FXYD2: variants seen among roughly 807,000 people sequenced by gnomAD.
FXYD2 encodes sodium/potassium-transporting ATPase subunit gamma.
Under a neutral mutation model 11.8 loss-of-function variants are expected in FXYD2, and 8 were observed. The observed-to-expected ratio is 0.68, with a 90% CI of 0.40 to 1.22. The LOEUF (loss-of-function observed/expected upper bound fraction) is 1.22, where lower values mean the gene tolerates loss of function less well. Among genes scored for constraint, FXYD2 ranks in the 50% most tolerant of loss-of-function variants. FXYD2 has a pLI of 0.01. For missense variants in FXYD2, 92 were observed against 91.8 expected (o/e 1.00, Z -0.01); for synonymous variants, 42 against 33.3 (o/e 1.26, Z -0.90).
chr11:117,823,422 G>A (rs191977763), intron 1 of FXYD2, among the ~76,000 whole-genome samples: 1 of 152,254 alleles, frequency 6.6e-6, no homozygotes, highest in African/African-American at 2.4e-5. Flanking sequence ...TATACAGCAA[G>A]TCAGGGGTAG....
At chr11:117,824,768 G>A, upstream of FXYD2, 6 of 1,533,334 alleles carry the variant, frequency 3.9e-6, no homozygotes, top group Admixed American at 1.8e-5. This position sits in a 1 kb window ranked among gnomAD's most constrained non-coding sequence, Gnocchi z 4.0. Flanking sequence ...GGGTGGCCGG[G>A]GACGAGGTGC....
upstream of FXYD2, among the ~76,000 whole-genome samples, chr11:117,825,227 G>A (rs115674015): frequency 4.4e-4 from 67 of 152,234 alleles, no homozygotes; most frequent in African/African-American, 1.5e-3. Context: ...CACATCCCTG[G>A]AGCACCGCCA....
Position 117,820,388 on chromosome 11 carries a change from C to G in FXYD2, c.*7-16G>C. The G allele has an allele frequency of 1.9e-6, 1 of 526,052 alleles. No homozygotes were observed. The highest frequency in any genetic ancestry group is 3.3e-5 in the Admixed American group (1 of 30,308). The allele number at this position is 526,052 out of a possible 1,614,324, so 32.6% of individuals were successfully genotyped here. A position where few individuals can be genotyped will look rare whatever the true frequency, so the allele number is the denominator to read the frequency against. On this transcript the variant is annotated splice_polypyrimidine_tract_variant and intron_variant, in intron 5 of 5. Coordinates refer to ENST00000292079, the MANE Select transcript of FXYD2 (RefSeq NM_001680.5). ...ACCGCCGAGGCTGAGAAGACAAAGGCAGGATGGGGTTGGGTGGGAGGCAGC... is the reference window on the plus strand; with the variant it reads ...ACCGCCGAGGCTGAGAAGACAAAGGGAGGATGGGGTTGGGTGGGAGGCAGC...
chr11:117,822,698 G>A lies in FXYD2; in HGVS notation c.45C>T (p.Asp15=), dbSNP rs35705701. Reference sequence around the variant, plus strand: ...GCTTACCATAGTAGAACGGGTCCACGTCCCCCTTGGGGCTGCCGCCTAGGA... The same window carrying A: ...GCTTACCATAGTAGAACGGGTCCACATCCCCCTTGGGGCTGCCGCCTAGGA... The part of the protein sequence containing the change: ...SMDGGGSPKG[D]VDPFYYDYET... The change falls in exon 2 of 6, where the codon GAC becomes GAT. Residue 15 remains aspartate (D), a synonymous_variant. Coordinates refer to ENST00000292079, the MANE Select transcript of FXYD2 (RefSeq NM_001680.5). The surrounding 1 kb of genome is among the most constrained non-coding windows in gnomAD (Gnocchi z 4.7). The A allele has an allele frequency of 0.015, 24,528 of 1,610,372 alleles. 222 individuals carry two copies. The highest frequency in any genetic ancestry group is 0.023 in the Middle Eastern group (139 of 6,026).
chr11:117,822,121 C>A lies in FXYD2; in HGVS notation c.139+285G>T. On this transcript the variant is annotated intron_variant, in intron 3 of 5. Transcript: ENST00000292079. This position sits in a 1 kb window ranked among gnomAD's most constrained non-coding sequence, Gnocchi z 4.7. ...ATGGTTAGCAGCGGGGGGCCTAGTC[C>A]CCCTGTCTGGCCCTCCGGTTACCCA... The A allele has an allele frequency of 7.3e-7, 1 of 1,370,902 alleles. No individual in the cohort carries two copies. Among genetic ancestry groups the A allele is most frequent in the Non-Finnish European group, 9.5e-7 (1 of 1,057,710 alleles). 84.9% of individuals were successfully genotyped at this position (1,370,902 alleles called of 1,614,324 possible).
At chr11:117,823,456 C>G (rs148192944) in intron 1 of FXYD2, among the ~76,000 whole-genome samples, 1 of 152,344 alleles carries the variant, frequency 6.6e-6, no homozygotes, top group African/African-American at 2.4e-5. Context: ...ACCCAGGAAG[C>G]AGGGGGCTGA....
chr11:117,824,696 C>A lies in FXYD2; in HGVS notation c.-18G>T. 1 of 1,613,806 alleles carries A rather than the reference C, an allele frequency of 6.2e-7. No individual in the cohort carries two copies. The highest frequency in any genetic ancestry group is 8.5e-7 in the Non-Finnish European group (1 of 1,179,908). The stretch of plus-strand genomic sequence containing the variant: ...CCAGTCATTTCCCCAGGTGAATGGG[C>A]TGCCTCCACTCCCCTCTTCCTGCTG... On this transcript the variant is annotated 5_prime_UTR_variant, in exon 1 of 6. Transcript: ENST00000292079. The surrounding 1 kb of genome is among the most constrained non-coding windows in gnomAD (Gnocchi z 4.0).
intron 1 of FXYD2, among the ~76,000 whole-genome samples, chr11:117,823,738 G>A (rs1436710008): frequency 6.6e-6 from 1 of 152,260 alleles, no homozygotes; most frequent in Admixed American, 6.5e-5. Flanking sequence ...AGTGGAGCCC[G>A]AGGAGGAAGG....
rs1378824109 is a variant in FXYD2, at chr11:117,822,854, G to A, written c.26-137C>T. On this transcript the variant is annotated intron_variant, in intron 1 of 5. Coordinates refer to ENST00000292079, the MANE Select transcript of FXYD2 (RefSeq NM_001680.5). This position sits in a 1 kb window ranked among gnomAD's most constrained non-coding sequence, Gnocchi z 4.7. ...AGGCGAGGGGAGGCTGGGAGCAGGG[G>A]TGTTGCTAAAACCATTGCCAGCAGG... 1.3e-5 allele frequency: 16 copies of A among 1,234,404 alleles called. No homozygotes were observed. The highest frequency in any genetic ancestry group is 1.8e-5 in the Non-Finnish European group (16 of 874,096). The allele number at this position is 1,234,404 out of a possible 1,614,324, so 76.5% of individuals were successfully genotyped here.
rs1591531646 is a variant in FXYD2, at chr11:117,820,282, T to G, written c.*97A>C. ...GCGCTGGCAGTGACGGGGACAAAGGTCTAAAGCCCAGGGAAGAAGGGGAGG... is the reference window on the plus strand; with the variant it reads ...GCGCTGGCAGTGACGGGGACAAAGGGCTAAAGCCCAGGGAAGAAGGGGAGG... On this transcript the variant is annotated 3_prime_UTR_variant, in exon 6 of 6. Coordinates refer to ENST00000292079, the MANE Select transcript of FXYD2 (RefSeq NM_001680.5). The G allele has an allele frequency of 3.7e-6, 1 of 272,112 alleles. No individual in the cohort carries two copies. Among genetic ancestry groups the G allele is most frequent in the Non-Finnish European group, 6.9e-6 (1 of 144,392 alleles). 16.9% of individuals were successfully genotyped at this position (272,112 alleles called of 1,614,324 possible).
chr11:117,822,624 C>A lies in FXYD2; in HGVS notation c.64+55G>T. Reference sequence around the variant, plus strand: ...GACCTGGGGCTGGGAGAGGCCGCTGCTTGGTGGAAGGGGTCCTGAGGGCTC... The same window carrying A: ...GACCTGGGGCTGGGAGAGGCCGCTGATTGGTGGAAGGGGTCCTGAGGGCTC... On this transcript the variant is annotated intron_variant, in intron 2 of 5. Transcript: ENST00000292079. This position sits in a 1 kb window ranked among gnomAD's most constrained non-coding sequence, Gnocchi z 4.7. The A allele has an allele frequency of 6.3e-7, 1 of 1,596,936 alleles. No homozygotes were observed. The highest frequency in any genetic ancestry group is 8.5e-7 in the Non-Finnish European group (1 of 1,173,176).
chr11:117,823,683 C>T (rs190260976), intron 1 of FXYD2, among the ~76,000 whole-genome samples: 186 of 152,332 alleles, frequency 1.2e-3, no homozygotes, highest in African/African-American at 4.3e-3. Flanking sequence ...AGCTAAGGGC[C>T]GCTACTCTTT....
chr11:117,820,965 T>C (rs2055887801), intron 3 of FXYD2, 70 bp from the exon 4 acceptor site: 1 of 1,611,162 alleles, frequency 6.2e-7, no homozygotes, highest in Admixed American at 1.7e-5. Context: ...GACTCAAAAT[T>C]CTTCCAGTCT....
chr11:117,823,042 C>T (rs996522103), intron 1 of FXYD2, among the ~76,000 whole-genome samples: 3 of 152,170 alleles, frequency 2.0e-5, no homozygotes, highest in Non-Finnish European at 1.5e-5. Flanking sequence ...AAGCCTCTCC[C>T]ATTAGACTCC....
chr11:117,826,756 C>CTGTT (rs1417360661), upstream of FXYD2, among the ~76,000 whole-genome samples: 1 of 84,714 alleles, frequency 1.2e-5, no homozygotes, highest in African/African-American at 4.4e-5. Context: ...ATAAATTCAT[C>CTGTT]TGTCTGTCTG....
intron 1 of FXYD2, among the ~76,000 whole-genome samples, chr11:117,823,862 G>C (rs1345366967): frequency 1.3e-5 from 2 of 152,256 alleles, no homozygotes; most frequent in South Asian, 2.1e-4. Context: ...GGCCAGGAAA[G>C]GACAGGCCAG....
rs955272779 is a variant in FXYD2, at chr11:117,822,990, C to T, written c.26-273G>A. Among the ~76,000 whole-genome samples, 1 of 152,188 alleles carries T rather than the reference C, an allele frequency of 6.6e-6. No homozygotes were observed. The highest frequency in any genetic ancestry group is 1.5e-5 in the Non-Finnish European group (1 of 68,036). ...CTGACCACTCCGGAAGGGTGGCTCT[C>T]TCCTGCTCCTTGATTCCTACCATGG... On this transcript the variant is annotated intron_variant, in intron 1 of 5. Coordinates refer to ENST00000292079, the MANE Select transcript of FXYD2 (RefSeq NM_001680.5). This position sits in a 1 kb window ranked among gnomAD's most constrained non-coding sequence, Gnocchi z 4.7.
rs2055939635 is a variant in FXYD2 at position 117,822,742 on chromosome 11, G to A, written c.26-25C>T. The A allele has an allele frequency of 3.1e-6, 5 of 1,605,338 alleles. No individual in the cohort carries two copies. The highest frequency in any genetic ancestry group is 3.4e-5 in the Admixed American group (2 of 58,754). On this transcript the variant is annotated intron_variant, in intron 1 of 5. Transcript: ENST00000292079. The surrounding 1 kb of genome is among the most constrained non-coding windows in gnomAD (Gnocchi z 4.7). The stretch of plus-strand genomic sequence containing the variant: ...CCTAGGAGAGAGCCAGAGGTGGGAT[G>A]AGAGGAGTCACCGATGGTGAGCCAG...
intron 3 of FXYD2, chr11:117,821,782 G>C (rs1014365516): frequency 1.0e-6 from 1 of 989,254 alleles, no homozygotes; most frequent in Non-Finnish European, 1.2e-6. Context: ...CCTTGGGGTG[G>C]GGTGGCAGTG....
Sources: gnomAD v4.1 joint callset for allele counts (sites outside exome capture counted in the v4.1 genomes callset) on GRCh38, gnomAD v4.1.1 for gene constraint, Gnocchi (gnomAD v3.1) non-coding constraint, MANE v1.5 for transcripts, NCBI Gene and HGNC (gene_info 2026-07-23, HGNC 2026-07-21) for gene names.